ISOC1: variants seen among roughly 807,000 people sequenced by gnomAD.
ISOC1 encodes isochorismatase domain containing 1.
Under a neutral mutation model 30.0 loss-of-function variants are expected in ISOC1, and 33 were observed. The ratio of observed to expected loss-of-function variants is 1.10; its 90% CI spans 0.83 to 1.47. The LOEUF is 1.47. ISOC1 is among the 40% of genes most tolerant of loss of function. The pLI, the probability that ISOC1 is intolerant of heterozygous loss-of-function variation, is 0.00. For missense variants in ISOC1, 372 were observed against 388.0 expected, an observed-to-expected ratio of 0.96 and a Z score of 0.35; for synonymous variants, 178 against 159.8, an observed-to-expected ratio of 1.11 and a Z score of -0.86.
rs909187324 is a variant in ISOC1 at position 129,113,976 on chromosome 5, A to G, written c.*975A>G. The G allele has an allele frequency of 2.0e-5, 3 of 152,172 alleles. No homozygotes were observed. The highest frequency in any genetic ancestry group is 2.0e-4 in the Admixed American group (3 of 15,272). The allele number at this position is 152,172 out of a possible 1,614,324, so 9.4% of individuals were successfully genotyped here. On this transcript the variant is annotated 3_prime_UTR_variant, in exon 5 of 5. Transcript: ENST00000173527. The stretch of plus-strand genomic sequence containing the variant: ...GTTAGAGGGTTTTGAAATGTTTTTC[A>G]AATATGTGAAATGTGAAACTGCTGT...
At chr5:129,097,521 A>G (rs1389358683) in intron 1 of ISOC1, among the ~76,000 whole-genome samples, 1 of 152,118 alleles carries the variant, frequency 6.6e-6, no homozygotes, top group Admixed American at 6.5e-5. Flanking sequence ...GCTGTAAGAG[A>G]CCATACAGTT....
At chr5:129,096,264 C>T (rs184375602) in intron 1 of ISOC1, among the ~76,000 whole-genome samples, 4 of 152,260 alleles carry the variant, frequency 2.6e-5, no homozygotes, top group African/African-American at 7.2e-5. Flanking sequence ...ACTATAGTCA[C>T]GCTATTGTGC....
At position 129,112,904 on chromosome 5, in the gene ISOC1, T is replaced by G; in HGVS notation, c.800T>G (p.Leu267Arg). The part of the protein sequence containing the change: ...IIVTTSEAVL[L>R]QLVADKDHPK... ...GTGACCACGAGTGAGGCTGTTCTGC[T>G]TCAGCTGGTAGCTGATAAGGACCAT... Residue 267 changes from leucine (L) to arginine (R), a missense_variant, in exon 5 of 5, where the codon CTT (leucine) becomes CGT (arginine). Leu to Arg is a moderately radical substitution (Grantham distance 102). Transcript: ENST00000173527. 1 of 1,613,810 alleles carries G rather than the reference T, an allele frequency of 6.2e-7. No individual in the cohort carries two copies. Among genetic ancestry groups the G allele is most frequent in the South Asian group, 1.1e-5 (1 of 91,074 alleles).
At chr5:129,108,509 T>TC (rs1245356406) in intron 4 of ISOC1, among the ~76,000 whole-genome samples, 2 of 150,170 alleles carry the variant, frequency 1.3e-5, no homozygotes, top group African/African-American at 5.0e-5. Context: ...TTAATCCATT[T>TC]CTTTTTTTTT....
chr5:129,113,090 A>G lies in ISOC1; in HGVS notation c.*89A>G. ...CACACAAGCTCTTCTTATCTCTACT[A>G]GAATTAAAATGTTAAGTCAAAAACG... On this transcript the variant is annotated 3_prime_UTR_variant, in exon 5 of 5. Transcript: ENST00000173527. The G allele has an allele frequency of 3.2e-6, 4 of 1,258,040 alleles. No homozygotes were observed. Among genetic ancestry groups the G allele is most frequent in the Admixed American group, 2.7e-5 (1 of 37,670 alleles). The allele number at this position is 1,258,040 out of a possible 1,614,324, so 77.9% of individuals were successfully genotyped here.
At position 129,105,091 on chromosome 5, in the gene ISOC1, T is replaced by A; in HGVS notation, c.429+16T>A. On this transcript the variant is annotated intron_variant, in intron 2 of 4. Coordinates refer to ENST00000173527, the MANE Select transcript of ISOC1 (RefSeq NM_016048.2). ...ACAGAGATTGGTATGCTTGTTTACT[T>A]ATTTGGTCATATTTGCTGAATCATC... is the stretch of plus-strand genomic sequence containing the variant. 6.2e-7 allele frequency: 1 copy of A among 1,613,778 alleles called. No homozygotes were observed. The highest frequency in any genetic ancestry group is 1.3e-5 in the African/African-American group (1 of 75,038).
At chr5:129,107,606 T>C (rs992788806) in intron 4 of ISOC1, among the ~76,000 whole-genome samples, 9 of 142,760 alleles carry the variant, frequency 6.3e-5, no homozygotes, top group African/African-American at 2.5e-4. Flanking sequence ...TTGGGTATTA[T>C]AAGTAATATA....
intron 1 of ISOC1, among the ~76,000 whole-genome samples, chr5:129,099,641 G>A (rs1753547258): frequency 1.3e-5 from 2 of 152,238 alleles, no homozygotes; most frequent in African/African-American, 2.4e-5. Context: ...AACATAACAA[G>A]TTATGCAATG....
At chr5:129,095,129 C>G (rs371401186) in intron 1 of ISOC1, 54 bp downstream of exon 1, 2 of 1,458,760 alleles carry the variant, frequency 1.4e-6, no homozygotes, top group Non-Finnish European at 1.8e-6. Flanking sequence ...TCCCCGTCCC[C>G]GTCCCTGTCC....
intron 3 of ISOC1, among the ~76,000 whole-genome samples, chr5:129,105,731 A>G (rs1753630409): frequency 6.6e-6 from 1 of 152,136 alleles, no homozygotes; most frequent in African/African-American, 2.4e-5. Context: ...ATTTTCACCA[A>G]AGGCATTATT....
intron 1 of ISOC1, among the ~76,000 whole-genome samples, chr5:129,101,192 A>AAAAAAATATATATATAT (rs1554064627): frequency 2.4e-5 from 1 of 42,228 alleles, no homozygotes; most frequent in African/African-American, 1.8e-4. Context: ...AAAAAAAAAA[A>AAAAAAATATATATATAT]ATATATATAT....
intron 4 of ISOC1, among the ~76,000 whole-genome samples, chr5:129,109,682 T>A (rs2150172246): frequency 6.6e-6 from 1 of 152,292 alleles, no homozygotes; most frequent in Non-Finnish European, 1.5e-5. Flanking sequence ...ACACCTGCCA[T>A]ATTGCAGATT....
chr5:129,103,970 C>T (rs1054569404), intron 1 of ISOC1, among the ~76,000 whole-genome samples: 1 of 152,112 alleles, frequency 6.6e-6, no homozygotes, highest in Non-Finnish European at 1.5e-5. Flanking sequence ...AGAGTAAATT[C>T]TCATATTTAA....
chr5:129,095,827 A>C (rs1004741132), intron 1 of ISOC1, among the ~76,000 whole-genome samples: 2 of 152,196 alleles, frequency 1.3e-5, no homozygotes, highest in Admixed American at 6.5e-5. Flanking sequence ...ATTTATTTTA[A>C]GCTGTGCTCT....
rs1190926434 is a variant in ISOC1, at chr5:129,112,879, G to C, written c.775G>C (p.Val259Leu). Residue 259 changes from valine to leucine, a missense_variant, in exon 5 of 5, where the codon GTG (valine) becomes CTG (leucine). By Grantham distance (32) the Val-to-Leu change is conservative. Coordinates refer to ENST00000173527, the MANE Select transcript of ISOC1 (RefSeq NM_016048.2). Reference sequence around the variant, plus strand: ...GCGTCTCGCTCGAACCGGGATCATAGTGACCACGAGTGAGGCTGTTCTGCT... The same window carrying C: ...GCGTCTCGCTCGAACCGGGATCATACTGACCACGAGTGAGGCTGTTCTGCT... ...LERLARTGII[V>L]TTSEAVLLQL... 3 of 1,613,282 alleles carry C rather than the reference G, an allele frequency of 1.9e-6. No individual in the cohort carries two copies. In the African/African-American group the frequency reaches 4.0e-5, roughly 22 times the overall value.
At chr5:129,098,790 T>G (rs1380660030) in intron 1 of ISOC1, among the ~76,000 whole-genome samples, 1 of 152,182 alleles carries the variant, frequency 6.6e-6, no homozygotes, top group Non-Finnish European at 1.5e-5. Flanking sequence ...TGCTCCAGCT[T>G]TCATTTTCTT....
chr5:129,097,687 A>G (rs1184472709), intron 1 of ISOC1: 1 of 151,850 alleles, frequency 6.6e-6, no homozygotes, highest in Admixed American at 6.6e-5. Context: ...TGCAGGTTAC[A>G]TGGCAAGTCT....
intron 1 of ISOC1, among the ~76,000 whole-genome samples, chr5:129,101,192 A>AAAAAAATATAT (rs1554064627): frequency 4.3e-4 from 18 of 42,210 alleles, no homozygotes; most frequent in African/African-American, 9.2e-4. Flanking sequence ...AAAAAAAAAA[A>AAAAAAATATAT]ATATATATAT....
In ISOC1 at chr5:129,104,943, C is replaced by T. The variant is rs1561422536; in HGVS notation, c.310-13C>T. On this transcript the variant is annotated splice_polypyrimidine_tract_variant and intron_variant, in intron 1 of 4. Transcript: ENST00000173527. Reference sequence around the variant, plus strand: ...CAACAAGTGCTAAATCATTCTTTTTCTTTTTTCCTCAGCTCACTACCCTGG... The same window carrying T: ...CAACAAGTGCTAAATCATTCTTTTTTTTTTTTCCTCAGCTCACTACCCTGG... The T allele has an allele frequency of 1.2e-6, 2 of 1,609,698 alleles. No individual in the cohort carries two copies. The highest frequency in any genetic ancestry group is 1.7e-6 in the Non-Finnish European group (2 of 1,178,842).
Sources: gnomAD v4.1 joint callset for allele counts (sites outside exome capture counted in the v4.1 genomes callset) on GRCh38, gnomAD v4.1.1 for gene constraint, MANE v1.5 for transcripts, NCBI Gene and HGNC (gene_info 2026-07-23, HGNC 2026-07-21) for gene names.